Variants in CC2D1A observed in about 807,000 individuals in gnomAD.
The protein encoded by CC2D1A is coiled-coil and C2 domain-containing protein 1A.
CC2D1A carries 68 observed loss-of-function variants against 123.8 expected under a neutral mutation model. The observed-to-expected ratio is 0.55, with a 90% confidence interval of 0.45 to 0.67. The LOEUF (loss-of-function observed/expected upper bound fraction) is 0.67. CC2D1A is among the 30% of genes least tolerant of loss of function. The probability of loss-of-function intolerance (pLI) is 0.00; values close to 1 mark genes in which losing one functional copy is unlikely to be tolerated. For missense variants in CC2D1A, 1,185 were observed against 1,290.3 expected (o/e 0.92, Z 1.25); for synonymous variants, 477 against 528.0 (o/e 0.90, Z 1.32).
rs200495538 is a variant in CC2D1A at position 13,923,490 on chromosome 19, C to T, written c.1764+35C>T. 362 of 1,613,782 alleles carry T rather than the reference C, an allele frequency of 2.2e-4. No homozygotes were observed. The highest frequency in any genetic ancestry group is 3.5e-4 in the Admixed American group (21 of 59,994). On this transcript the variant is annotated intron_variant, in intron 15 of 28. Transcript: ENST00000318003. This position sits in a 1 kb window ranked among gnomAD's most constrained non-coding sequence, Gnocchi z 5.3. ...AGGCCCCCAGCCCATCCCCCAGGAG[C>T]GTGACCCTCCTTCCCCTCTCTTCCC...
chr19:13,907,302 T>C (rs964200618), intron 1 of CC2D1A, among the ~76,000 whole-genome samples: 1 of 151,618 alleles, frequency 6.6e-6, no homozygotes, highest in East Asian at 1.9e-4. Flanking sequence ...GTACTACTAC[T>C]TGGGAGGCTA....
Position 13,927,029 on chromosome 19 carries a change from G to T in CC2D1A, c.2177G>T (p.Arg726Leu). ...ATCAACCGCAGCCACCGTGGCTTCCGAAGGGCCATCCAGACCAAGGGCATC... is the reference window on the plus strand; with the variant it reads ...ATCAACCGCAGCCACCGTGGCTTCCTAAGGGCCATCCAGACCAAGGGCATC... The part of the protein sequence containing the change: ...LCINRSHRGF[R>L]RAIQTKGIKF... The change falls in exon 21 of 29, where the codon CGA (arginine) becomes CTA (leucine). Residue 726 changes from arginine (R) to leucine (L), a missense_variant. By Grantham distance (102) the Arg-to-Leu change is moderately radical. Transcript: ENST00000318003. The T allele has an allele frequency of 6.2e-7, 1 of 1,614,048 alleles. No individual in the cohort carries two copies. The highest frequency in any genetic ancestry group is 8.5e-7 in the Non-Finnish European group (1 of 1,180,020).
At position 13,923,574 on chromosome 19, in the gene CC2D1A, C is replaced by A; in HGVS notation, c.1791C>A (p.Phe597Leu). Residue 597 changes from phenylalanine (F) to leucine (L), a missense_variant, in exon 16 of 29, where the codon TTC becomes TTA. Phe to Leu is a conservative substitution (Grantham distance 22). Transcript: ENST00000318003. The surrounding 1 kb of genome is among the most constrained non-coding windows in gnomAD (Gnocchi z 5.3). Reference protein sequence around the residue: ...HEMCLNHSNQFTQLGNITETT... With the variant: ...HEMCLNHSNQLTQLGNITETT... ...TGTGCCTGAACCACTCAAACCAATT[C>A]ACCCAGCTGGGCAACATCACTGAAA... 1 of 1,614,144 alleles carries A rather than the reference C, an allele frequency of 6.2e-7. No homozygotes were observed. The highest frequency in any genetic ancestry group is 1.1e-5 in the South Asian group (1 of 91,088).
At chr19:13,928,897 T>C (rs910961539) in intron 24 of CC2D1A, among the ~76,000 whole-genome samples, 6 of 151,792 alleles carry the variant, frequency 4.0e-5, no homozygotes, top group Admixed American at 1.3e-4. Flanking sequence ...TTAGTAGAGA[T>C]GGGGTTTCTC....
rs763378837 is a variant in CC2D1A at position 13,913,630 on chromosome 19, T to C, written c.740T>C (p.Met247Thr). ...TCTCCAGGCTTGGCTAAGCCCCAGATGCCCCCAGGTAGGTGATGGGCAGGG... is the reference window on the plus strand; with the variant it reads ...TCTCCAGGCTTGGCTAAGCCCCAGACGCCCCCAGGTAGGTGATGGGCAGGG... Reference protein sequence around the residue: ...ASSPGLAKPQMPPGPCSPGPL... With the variant: ...ASSPGLAKPQTPPGPCSPGPL... The change falls in exon 6 of 29, where the codon ATG (methionine) becomes ACG (threonine). Residue 247 changes from methionine (M) to threonine (T), a missense_variant. Transcript: ENST00000318003. 7 of 1,603,262 alleles carry C rather than the reference T, an allele frequency of 4.4e-6. No homozygotes were observed. The highest frequency in any genetic ancestry group is 6.0e-6 in the Non-Finnish European group (7 of 1,173,522).
chr19:13,919,140 A>G lies in CC2D1A; in HGVS notation c.1160A>G (p.Asp387Gly), dbSNP rs1207739757. 1 of 1,612,504 alleles carries G rather than the reference A, an allele frequency of 6.2e-7. No homozygotes were observed. The highest frequency in any genetic ancestry group is 8.5e-7 in the Non-Finnish European group (1 of 1,179,350). Residue 387 changes from aspartate to glycine, a missense_variant, in exon 11 of 29, where the codon GAT becomes GGT. By Grantham distance (94) the Asp-to-Gly change is moderately conservative. Transcript: ENST00000318003. ...CTGTGGCCCTCGCAGCAATACCAAGATGCCATCCGAGCCCACAAGGCTGGC... is the reference window on the plus strand; with the variant it reads ...CTGTGGCCCTCGCAGCAATACCAAGGTGCCATCCGAGCCCACAAGGCTGGC... ...MHERIVKQYQ[D>G]AIRAHKAGRA...
intron 19 of CC2D1A, 32 bp from the exon 20 acceptor site, chr19:13,926,789 C>T (rs373559604): frequency 2.0e-5 from 32 of 1,613,864 alleles, no homozygotes; most frequent in Non-Finnish European, 2.3e-5. Flanking sequence ...GTCCCAGGCC[C>T]CCTAGATTTC....
intron 2 of CC2D1A, among the ~76,000 whole-genome samples, chr19:13,911,883 T>G (rs1411160542): frequency 6.6e-6 from 1 of 152,062 alleles, no homozygotes; most frequent in Non-Finnish European, 1.5e-5. Flanking sequence ...GCCTGGCTAA[T>G]TTTTTGTATT....
At position 13,923,656 on chromosome 19, in the gene CC2D1A, C is replaced by T. The variant is rs756395289; in HGVS notation, c.1824-39C>T. On this transcript the variant is annotated intron_variant, in intron 16 of 28. Transcript: ENST00000318003. The surrounding 1 kb of genome is among the most constrained non-coding windows in gnomAD (Gnocchi z 5.3). ...CACTTGCACCCCCAGCCACCCATCC[C>T]CAGGGCCAGGGACATGAGCAGGGCC... 73 of 1,613,086 alleles carry T rather than the reference C, an allele frequency of 4.5e-5. No homozygotes were observed. The highest frequency in any genetic ancestry group is 3.3e-4 in the Middle Eastern group (2 of 6,084).
In CC2D1A at chr19:13,913,306, A is replaced by C; in HGVS notation, c.513+4A>C. On this transcript the variant is annotated splice_donor_region_variant and intron_variant, in intron 5 of 28. Transcript: ENST00000318003. ...GCGCTACGATCGGGGGCTTAAAGTA[A>C]GTGGGCAGAGGGCAGGGTACAGGGA... The C allele has an allele frequency of 6.2e-7, 1 of 1,602,762 alleles. No homozygotes were observed. Among genetic ancestry groups the C allele is most frequent in the Non-Finnish European group, 8.5e-7 (1 of 1,171,110 alleles).
intron 7 of CC2D1A, 38 bp downstream of exon 7, chr19:13,918,232 G>A: frequency 6.7e-7 from 1 of 1,501,450 alleles, no homozygotes; most frequent in Non-Finnish European, 8.9e-7. Flanking sequence ...GAGGGATGGG[G>A]CAGGATGCTT....
intron 17 of CC2D1A, among the ~76,000 whole-genome samples, chr19:13,925,033 G>A (rs778843940): frequency 2.6e-4 from 39 of 152,238 alleles, no homozygotes; most frequent in Admixed American, 4.6e-4. Context: ...AGGTCTCCAT[G>A]TGGCAGCTCC....
In CC2D1A at chr19:13,919,895, A is replaced by C; in HGVS notation, c.1300A>C (p.Lys434Gln). 1.2e-6 allele frequency: 2 copies of C among 1,613,338 alleles called. No homozygotes were observed. Among genetic ancestry groups the C allele is most frequent in the Non-Finnish European group, 1.7e-6 (2 of 1,179,884 alleles). Residue 434 changes from lysine to glutamine, a missense_variant, in exon 12 of 29, where the codon AAG (lysine) becomes CAG (glutamine). By Grantham distance (53) the Lys-to-Gln change is moderately conservative (BLOSUM62 1). Transcript: ENST00000318003. ...SLVGVLETAMKLANQDEGPED... is the reference protein window; with the variant it reads ...SLVGVLETAMQLANQDEGPED... The stretch of plus-strand genomic sequence containing the variant: ...GGTGGGTGTCCTGGAGACTGCCATG[A>C]AGCTGGCCAACCAGGATGAAGGCCC...
intron 12 of CC2D1A, 160 bp downstream of exon 12, chr19:13,920,111 C>G (rs1971357827): frequency 1.6e-6 from 1 of 634,324 alleles, no homozygotes; most frequent in African/African-American, 1.9e-5. Flanking sequence ...ATTAGCCAGG[C>G]ATGGTGGGAC....
At chr19:13,918,861 G>A (rs780393924) in intron 9 of CC2D1A, 44 bp downstream of exon 9, 2 of 1,610,174 alleles carry the variant, frequency 1.2e-6, no homozygotes, top group African/African-American at 2.7e-5. Flanking sequence ...GCTGGAGCCA[G>A]ACTGTCTACC....
chr19:13,920,275 GTGTT>G (rs1971363223), intron 12 of CC2D1A: 1 of 489,914 alleles, frequency 2.0e-6, no homozygotes, highest in South Asian at 2.8e-5. Context: ...AAAAAAAAAA[GTGTT>G]TGGTGAGAAT....
In CC2D1A at chr19:13,930,134, C is replaced by T; in HGVS notation, c.2767C>T (p.Leu923=). The T allele has an allele frequency of 6.2e-7, 1 of 1,613,162 alleles. No individual in the cohort carries two copies. The highest frequency in any genetic ancestry group is 1.1e-5 in the South Asian group (1 of 91,066). ...LQFYTEAARR[L]GNDGSRDAAK... ...GTTCTACACGGAGGCTGCCCGGCGC[C>T]TGGGCAACGATGGCAGCAGGGTGAG... Residue 923 remains leucine, a synonymous_variant, in exon 27 of 29, where the codon CTG becomes TTG. Transcript: ENST00000318003. This position sits in a 1 kb window ranked among gnomAD's most constrained non-coding sequence, Gnocchi z 6.8.
At chr19:13,924,230 G>A (rs11666470) in intron 17 of CC2D1A, among the ~76,000 whole-genome samples, 2 of 149,742 alleles carry the variant, frequency 1.3e-5, no homozygotes, top group African/African-American at 2.4e-5. Context: ...GAGTGCAGGG[G>A]TGTGATCTCT....
At chr19:13,926,911 G>A in intron 20 of CC2D1A, 39 bp downstream of exon 20, 1 of 1,609,618 alleles carries the variant, frequency 6.2e-7, no homozygotes, top group Non-Finnish European at 8.5e-7. Context: ...CTACTCCCTT[G>A]CAGCAGAAGG....
Sources: allele counts gnomAD v4.1 joint callset (sites outside exome capture counted in the v4.1 genomes callset), GRCh38; gene constraint gnomAD v4.1.1; non-coding constraint Gnocchi (gnomAD v3.1); transcripts MANE v1.5; gene names NCBI Gene and HGNC (gene_info 2026-07-23, HGNC 2026-07-21).